The following KLRG2 variants were observed in gnomAD, a reference collection of about 807,000 sequenced individuals.
KLRG2 encodes killer cell lectin-like receptor subfamily G member 2.
A neutral mutation model predicts 35.4 loss-of-function variants in KLRG2; 39 were observed. That is an observed-to-expected ratio of 1.10 (90% CI 0.85 to 1.44). KLRG2 has a LOEUF of 1.44. Among genes scored for constraint, KLRG2 ranks in the 40% most tolerant of loss-of-function variants. The pLI, the probability that KLRG2 is intolerant of heterozygous loss-of-function variation, is 0.00. For missense variants in KLRG2, 632 were observed against 570.9 expected (o/e 1.11, Z -1.09); for synonymous variants, 283 against 265.8 (o/e 1.06, Z -0.63).
intron 3 of KLRG2, among the ~76,000 whole-genome samples, chr7:139,477,825 C>G (rs1796877239): frequency 6.6e-6 from 1 of 151,856 alleles, no homozygotes; most frequent in Non-Finnish European, 1.5e-5. Flanking sequence ...GTGGCACAAT[C>G]TCGGCTCACT....
chr7:139,450,710 T>C (rs1340409204), downstream of KLRG2, among the ~76,000 whole-genome samples: 1 of 152,222 alleles, frequency 6.6e-6, no homozygotes, highest in Non-Finnish European at 1.5e-5. Context: ...TTGTCTTGGA[T>C]GTTGCTGTTT....
intron 2 of KLRG2, 99 bp from the exon 3 acceptor site, chr7:139,479,871 C>G (rs1325308166): frequency 6.6e-6 from 9 of 1,366,286 alleles, no homozygotes; most frequent in Non-Finnish European, 8.9e-6. Flanking sequence ...AACTGGCAAA[C>G]CTCAAGGTGG....
At position 139,483,256 on chromosome 7, in the gene KLRG2, G is replaced by T; in HGVS notation, c.387C>A (p.Arg129=). 1 of 1,556,348 alleles carries T rather than the reference G, an allele frequency of 6.4e-7. No homozygotes were observed. The highest frequency in any genetic ancestry group is 1.2e-5 in the South Asian group (1 of 85,716). The change falls in exon 1 of 5, where the codon CGC becomes CGA. Residue 129 remains arginine (R), a synonymous_variant. Transcript: ENST00000340940. ...CACCGGCCGCGCCCACGGGCTTCAC[G>T]CGCACATCTACCTGCAGCTCCATGG... The part of the protein sequence containing the change: ...WAPMELQVDV[R]VKPVGAAGGS...
intron 3 of KLRG2, among the ~76,000 whole-genome samples, chr7:139,458,066 C>G (rs1025136442): frequency 3.3e-5 from 5 of 152,108 alleles, no homozygotes; most frequent in African/African-American, 1.2e-4. Flanking sequence ...TCATACATTT[C>G]TTTTTTAAAA....
the KLRG2 span, among the ~76,000 whole-genome samples, chr7:139,435,760 T>C: frequency 6.6e-6 from 1 of 152,238 alleles, no homozygotes; most frequent in African/African-American, 2.4e-5. Flanking sequence ...CCGTGCTGTG[T>C]GCATCAGCAC....
the KLRG2 span, among the ~76,000 whole-genome samples, chr7:139,433,856 C>A: frequency 2.0e-5 from 3 of 152,106 alleles, no homozygotes; most frequent in South Asian, 6.2e-4. Flanking sequence ...AGGCTGGTCT[C>A]GAACTCCTGA....
chr7:139,445,437 A>C, the KLRG2 span, among the ~76,000 whole-genome samples: 1 of 152,244 alleles, frequency 6.6e-6, no homozygotes, highest in East Asian at 1.9e-4. Context: ...CGCGGAGCTT[A>C]CGCATAATCA....
chr7:139,483,590 G>T lies in KLRG2; in HGVS notation c.53C>A (p.Pro18Gln), dbSNP rs1045657469. Residue 18 changes from proline (P) to glutamine (Q), a missense_variant, in exon 1 of 5, where the codon CCA becomes CAA. Coordinates refer to ENST00000340940, the MANE Select transcript of KLRG2 (RefSeq NM_198508.4). ...APGGQAGAEL[P>Q]MEPVGSLVPT... ...GACCAGGCTTCCCACGGGCTCCATT[G>T]GGAGCTCTGCCCCGGCTTGGCCTCC... 1 of 1,594,704 alleles carries T rather than the reference G, an allele frequency of 6.3e-7. No individual in the cohort carries two copies. The highest frequency in any genetic ancestry group is 8.5e-7 in the Non-Finnish European group (1 of 1,177,788).
chr7:139,447,399 A>ATTC, the KLRG2 span, among the ~76,000 whole-genome samples: 1 of 133,270 alleles, frequency 7.5e-6, no homozygotes, highest in African/African-American at 3.5e-5. Context: ...GACTTGGGTC[A>ATTC]TTCTTTTTTT....
chr7:139,451,488 G>C (rs927946468), downstream of KLRG2, among the ~76,000 whole-genome samples: 2 of 152,004 alleles, frequency 1.3e-5, no homozygotes, highest in Non-Finnish European at 2.9e-5. Context: ...GACAGAGCGA[G>C]ACTCGGCCTC....
rs199665696 is a variant in KLRG2 at position 139,466,964 on chromosome 7, ATC to A, written c.1005+12661_1005+12662del. ...GGCCCTCCCAATTCTTAGTCCTTTA[ATC>A]TCTGTTTTTCTCCTTCTCTTATTTG... is the stretch of plus-strand genomic sequence containing the variant. On this transcript the variant is annotated intron_variant, in intron 3 of 4. Coordinates refer to ENST00000340940, the MANE Select transcript of KLRG2 (RefSeq NM_198508.4). 5.4e-3 allele frequency among the ~76,000 whole-genome samples: 818 copies of A among 151,928 alleles called. 7 individuals carry two copies. Among genetic ancestry groups the A allele is most frequent in the African/African-American group, 0.019 (772 of 41,454 alleles).
chr7:139,432,336 G>A, the KLRG2 span, among the ~76,000 whole-genome samples: 2 of 151,922 alleles, frequency 1.3e-5, no homozygotes, highest in East Asian at 3.9e-4. Context: ...CCAGTCAACA[G>A]AGAGGGACTC....
Position 139,479,748 on chromosome 7 carries a change from G to A in KLRG2, c.884C>T (p.Pro295Leu), listed in dbSNP as rs563935285. ...GTGCTCCTCGGACAACACCCAGCCT[G>A]GGGGGCACTGCTGGCATCTGGCTCC... is the stretch of plus-strand genomic sequence containing the variant. The part of the protein sequence containing the change: ...RAGARCQQCP[P>L]GWVLSEEHCY... The change falls in exon 3 of 5, where the codon CCA (proline) becomes CTA (leucine). Residue 295 changes from proline (P) to leucine (L), a missense_variant. By Grantham distance (98) the Pro-to-Leu change is moderately conservative (BLOSUM62 -3). Coordinates refer to ENST00000340940, the MANE Select transcript of KLRG2 (RefSeq NM_198508.4). The A allele has an allele frequency of 9.3e-6, 15 of 1,612,376 alleles. No homozygotes were observed. In the African/African-American group the frequency reaches 1.6e-4, roughly 17 times the overall value.
intron 3 of KLRG2, 28 bp downstream of exon 3, chr7:139,479,599 C>A (rs12707445): frequency 0.17 from 276,965 of 1,600,330 alleles, 25,789 homozygotes; most frequent in Middle Eastern, 0.2. Context: ...AGATCTGTAC[C>A]CCCTTAGATT....
intron 3 of KLRG2, among the ~76,000 whole-genome samples, chr7:139,469,965 A>G (rs774409539): frequency 2.6e-5 from 4 of 152,246 alleles, no homozygotes; most frequent in Non-Finnish European, 4.4e-5. Context: ...TATTCCCTAC[A>G]TAAGAGGTGG....
chr7:139,439,583 C>T, the KLRG2 span, among the ~76,000 whole-genome samples: 28 of 152,278 alleles, frequency 1.8e-4, no homozygotes, highest in African/African-American at 6.0e-4. Context: ...GCCAGAGACT[C>T]AGTCTTCCTC....
chr7:139,453,652 C>A lies in KLRG2; in HGVS notation c.1165G>T (p.Gly389Cys). Residue 389 changes from glycine (G) to cysteine (C), a missense_variant, in exon 5 of 5, where the codon GGC (glycine) becomes TGC (cysteine). Physicochemically the swap from Gly to Cys is radical, Grantham distance 159. Coordinates refer to ENST00000340940, the MANE Select transcript of KLRG2 (RefSeq NM_198508.4). ...LDINCGALEEGTLVAANCSTP... is the reference protein window; with the variant it reads ...LDINCGALEECTLVAANCSTP... ...CTGCAGTTTGCAGCCACCAGCGTGC[C>A]TTCCTCCAGGGCCCCACAGTTGATA... 4 of 1,614,084 alleles carry A rather than the reference C, an allele frequency of 2.5e-6. No homozygotes were observed. Among genetic ancestry groups the A allele is most frequent in the Non-Finnish European group, 3.4e-6 (4 of 1,179,988 alleles).
At chr7:139,452,667 G>C (rs1306585500), downstream of KLRG2, 2 of 152,246 alleles carry the variant, frequency 1.3e-5, no homozygotes, top group African/African-American at 4.8e-5. Flanking sequence ...GGCTCCTGCT[G>C]TTTGGAGGTC....
downstream of KLRG2, among the ~76,000 whole-genome samples, chr7:139,451,966 CT>C (rs58186917): frequency 0.017 from 2,013 of 117,172 alleles, 33 homozygotes; most frequent in African/African-American, 0.063. Flanking sequence ...TTTCCATGTC[CT>C]TTTTTTTTTT....
Sources: gnomAD v4.1 joint callset for allele counts (sites outside exome capture counted in the v4.1 genomes callset) on GRCh38, gnomAD v4.1.1 for gene constraint, MANE v1.5 for transcripts, NCBI Gene and HGNC (gene_info 2026-07-23, HGNC 2026-07-21) for gene names.